USH2A: variants seen among roughly 807,000 people sequenced by gnomAD.
USH2A encodes Usher syndrome 2A (autosomal recessive, mild).
USH2A carries 443 observed loss-of-function variants against 538.9 expected under a neutral mutation model. The ratio of observed to expected loss-of-function variants is 0.82; its 90% confidence interval spans 0.76 to 0.89. USH2A has a LOEUF of 0.89. USH2A is among the 40% of genes least tolerant of loss of function. The probability of loss-of-function intolerance (pLI) is 0.00; values close to 1 mark genes in which losing one functional copy is unlikely to be tolerated. For synonymous variants in USH2A, 2,413 were observed against 2,273.5 expected (o/e 1.06, Z -1.75); for missense variants, 6,633 against 6,324.8 (o/e 1.05, Z -1.65).
intron 34 of USH2A, 95 bp downstream of exon 34, chr1:215,998,792 T>C: frequency 2.1e-6 from 3 of 1,413,818 alleles, no homozygotes; most frequent in Non-Finnish European, 2.9e-6. Context: ...TTGACTTTTT[T>C]TTTTTTAAGT....
rs1051585978 is a variant in USH2A, at chr1:215,627,750, T to A, written c.15519+1064A>T. Reference sequence around the variant, plus strand: ...CATGTTGGTCAGGCTGGTCTCTATCTAACTCTGGACCTCGTGATCCGCCCA... The same window carrying A: ...CATGTTGGTCAGGCTGGTCTCTATCAAACTCTGGACCTCGTGATCCGCCCA... On this transcript the variant is annotated intron_variant, in intron 71 of 71. Transcript: ENST00000307340. 2.0e-5 allele frequency among the ~76,000 whole-genome samples: 3 copies of A among 152,238 alleles called. No homozygotes were observed. In the South Asian group the frequency reaches 6.2e-4, roughly 32 times the overall value.
chr1:216,421,738 A>T, intron 2 of USH2A, 114 bp downstream of exon 2: 1 of 1,527,412 alleles, frequency 6.5e-7, no homozygotes, highest in Non-Finnish European at 9.0e-7. Context: ...GTTAGTCTTC[A>T]ATACCATGAA....
chr1:215,887,331 C>T (rs960993284), intron 41 of USH2A, among the ~76,000 whole-genome samples: 6 of 151,698 alleles, frequency 4.0e-5, no homozygotes, highest in Non-Finnish European at 8.8e-5. Context: ...TACAAAACTC[C>T]CCCAAGATTG....
At chr1:215,793,917 T>C (rs925337019) in intron 50 of USH2A, among the ~76,000 whole-genome samples, 16 of 152,196 alleles carry the variant, frequency 1.1e-4, no homozygotes, top group African/African-American at 3.4e-4. Context: ...TTTTAATTTT[T>C]CACCTTTTCA....
At chr1:216,414,761 C>T (rs2039549289) in intron 3 of USH2A, among the ~76,000 whole-genome samples, 1 of 152,016 alleles carries the variant, frequency 6.6e-6, no homozygotes, top group Admixed American at 6.6e-5. Context: ...ATAAATTCAT[C>T]AATTTGTGGC....
chr1:216,371,314 A>G (rs2038709990), intron 3 of USH2A, among the ~76,000 whole-genome samples: 1 of 152,218 alleles, frequency 6.6e-6, no homozygotes, highest in South Asian at 2.1e-4. Flanking sequence ...TGTTCTAAAT[A>G]TGACATAGTT....
In USH2A at chr1:215,786,844, C is replaced by T; in HGVS notation, c.10213G>A (p.Ala3405Thr). The T allele has an allele frequency of 1.2e-6, 2 of 1,613,888 alleles. No homozygotes were observed. The highest frequency in any genetic ancestry group is 2.2e-5 in the East Asian group (1 of 44,874). ...CAATGTTCTGTGGCTTCCATAGATG[C>T]TGGGCAGAGGATCCTGCACTCTTTG... ...ETKECRILCP[A>T]SMEATEHCGR... Residue 3405 changes from alanine (A) to threonine (T), a missense_variant, in exon 52 of 72, where the codon GCA becomes ACA. Ala to Thr is a moderately conservative substitution (Grantham distance 58). Coordinates refer to ENST00000307340, the MANE Select transcript of USH2A (RefSeq NM_206933.4).
chr1:215,639,063 T>C (rs2102634480), intron 69 of USH2A, 92 bp downstream of exon 69: 1 of 1,187,376 alleles, frequency 8.4e-7, no homozygotes, highest in South Asian at 1.2e-5. Flanking sequence ...TATGCTAATA[T>C]ATTAGGACTC....
At chr1:216,236,857 G>A (rs1342499203) in intron 13 of USH2A, among the ~76,000 whole-genome samples, 2 of 152,076 alleles carry the variant, frequency 1.3e-5, no homozygotes, top group East Asian at 3.9e-4. Context: ...AACATTATTG[G>A]AATTTTCTGT....
chr1:216,357,256 CTAAG>C (rs1351530843), intron 4 of USH2A, among the ~76,000 whole-genome samples: 2 of 152,080 alleles, frequency 1.3e-5, no homozygotes, highest in Non-Finnish European at 2.9e-5. Context: ...TGTTCTGAAA[CTAAG>C]TAAACTCCTA....
chr1:215,761,945 A>C (rs972743830), intron 56 of USH2A, among the ~76,000 whole-genome samples: 14 of 152,180 alleles, frequency 9.2e-5, no homozygotes, highest in Admixed American at 8.5e-4. Flanking sequence ...GTTACTCCGT[A>C]CAGGTTAAGA....
chr1:215,790,731 C>T (rs1378508237), intron 50 of USH2A, among the ~76,000 whole-genome samples: 1 of 152,180 alleles, frequency 6.6e-6, no homozygotes, highest in Non-Finnish European at 1.5e-5. Context: ...GTAGCACCAT[C>T]CTAGAACTGG....
intron 47 of USH2A, among the ~76,000 whole-genome samples, chr1:215,836,005 T>G (rs921701004): frequency 6.6e-6 from 1 of 152,140 alleles, no homozygotes; most frequent in African/African-American, 2.4e-5. Context: ...TCTGTTATTA[T>G]GTGCAATAAT....
intron 11 of USH2A, among the ~76,000 whole-genome samples, chr1:216,263,267 C>T (rs561263332): frequency 6.6e-6 from 1 of 152,198 alleles, no homozygotes; most frequent in South Asian, 2.1e-4. Flanking sequence ...TTCTTCTAAA[C>T]TAATTTTATA....
chr1:216,071,531 C>A (rs1413265395), intron 29 of USH2A, among the ~76,000 whole-genome samples: 1 of 152,132 alleles, frequency 6.6e-6, no homozygotes, highest in Non-Finnish European at 1.5e-5. Context: ...TATTCTCCAA[C>A]CCTTGGGAGC....
Position 215,639,135 on chromosome 1 carries a change from G to T in USH2A, c.15052+20C>A. The T allele has an allele frequency of 6.2e-7, 1 of 1,611,964 alleles. No homozygotes were observed. The highest frequency in any genetic ancestry group is 8.5e-7 in the Non-Finnish European group (1 of 1,178,036). ...GGAAGATGAATAGGTGCTACGCCAAGTATAATATGAGTTGTTTACCAAGTC... is the reference window on the plus strand; with the variant it reads ...GGAAGATGAATAGGTGCTACGCCAATTATAATATGAGTTGTTTACCAAGTC... On this transcript the variant is annotated intron_variant, in intron 69 of 71. Transcript: ENST00000307340.
chr1:215,654,168 T>C (rs1382451205), intron 64 of USH2A, among the ~76,000 whole-genome samples: 1 of 152,166 alleles, frequency 6.6e-6, no homozygotes, highest in African/African-American at 2.4e-5. Flanking sequence ...ACTGAACATA[T>C]ATATATTTTT....
At chr1:215,996,586 TTTTTTTTTTG>T in intron 34 of USH2A, among the ~76,000 whole-genome samples, 1 of 119,056 alleles carries the variant, frequency 8.4e-6, no homozygotes, top group African/African-American at 2.9e-5. Flanking sequence ...TTTTTTTTTT[TTTTTTTTTTG>T]CAGTGGAAAG....
At chr1:215,676,800 G>T (rs1355672606) in intron 62 of USH2A, among the ~76,000 whole-genome samples, 1 of 152,048 alleles carries the variant, frequency 6.6e-6, no homozygotes, top group East Asian at 1.9e-4. Context: ...ACCCCTTGCT[G>T]CCCCTGATAT....
Sources: allele counts gnomAD v4.1 joint callset (sites outside exome capture counted in the v4.1 genomes callset), GRCh38; gene constraint gnomAD v4.1.1; transcripts MANE v1.5; gene names NCBI Gene and HGNC (gene_info 2026-07-23, HGNC 2026-07-21).